Variants in VPS13B observed in about 807,000 individuals in gnomAD.
VPS13B encodes the protein intermembrane lipid transfer protein VPS13B.
In VPS13B, 285 loss-of-function variants were observed where a neutral mutation model predicts 426.4. The ratio of observed to expected loss-of-function variants is 0.67; its 90% CI spans 0.61 to 0.74. The LOEUF (loss-of-function observed/expected upper bound fraction) is 0.74, where lower values mean the gene tolerates loss of function less well. Ranked by LOEUF, VPS13B falls within the 30% of genes least tolerant of loss-of-function variation. VPS13B has a pLI of 0.00. For missense variants in VPS13B, 4,537 were observed against 4,782.6 expected (o/e 0.95, Z 1.51); for synonymous variants, 1,676 against 1,676.4 (o/e 1.00, Z 0.01).
At chr8:99,336,154 A>G (rs1810852565) in intron 19 of VPS13B, among the ~76,000 whole-genome samples, 1 of 152,174 alleles carries the variant, frequency 6.6e-6, no homozygotes, top group South Asian at 2.1e-4. Flanking sequence ...AGGTACTGGT[A>G]CCAAAACAGA....
intron 8 of VPS13B, among the ~76,000 whole-genome samples, chr8:99,129,154 T>C (rs1261755996): frequency 6.6e-6 from 1 of 152,132 alleles, no homozygotes; most frequent in Non-Finnish European, 1.5e-5. Context: ...ATATTAGCTG[T>C]ACTATTTTAA....
chr8:99,740,097 A>T (rs1809620513), intron 39 of VPS13B, among the ~76,000 whole-genome samples: 1 of 152,206 alleles, frequency 6.6e-6, no homozygotes, highest in Non-Finnish European at 1.5e-5. Context: ...CGAATGGCTA[A>T]CTAGAATAAC....
intron 19 of VPS13B, among the ~76,000 whole-genome samples, chr8:99,366,152 A>T (rs1423674534): frequency 1.3e-5 from 2 of 151,254 alleles, no homozygotes; most frequent in African/African-American, 4.9e-5. Flanking sequence ...TTCTTTGTTG[A>T]TTTTCTTTCT....
intron 35 of VPS13B, among the ~76,000 whole-genome samples, chr8:99,668,521 T>A (rs954728271): frequency 6.6e-6 from 1 of 152,174 alleles, no homozygotes; most frequent in Non-Finnish European, 1.5e-5. Context: ...GTGATACAAA[T>A]GCTGCTCTTT....
intron 3 of VPS13B, among the ~76,000 whole-genome samples, chr8:99,060,091 A>C (rs1306662882): frequency 2.0e-5 from 3 of 152,130 alleles, no homozygotes; most frequent in East Asian, 3.9e-4. Context: ...ACATTATTGA[A>C]AAAGAAGTAA....
chr8:99,557,206 G>A (rs1209669911), intron 31 of VPS13B, among the ~76,000 whole-genome samples: 1 of 151,746 alleles, frequency 6.6e-6, no homozygotes, highest in Non-Finnish European at 1.5e-5. Flanking sequence ...AAGTTATTTA[G>A]GGGTGATTTC....
At chr8:99,812,114 G>A (rs560830426) in intron 44 of VPS13B, among the ~76,000 whole-genome samples, 5 of 152,006 alleles carry the variant, frequency 3.3e-5, no homozygotes, top group African/African-American at 1.2e-4. Context: ...CATAAAAGTT[G>A]GTTATTTGAA....
chr8:99,744,580 A>T (rs1325819396), intron 39 of VPS13B, among the ~76,000 whole-genome samples: 2 of 152,208 alleles, frequency 1.3e-5, no homozygotes, highest in Non-Finnish European at 2.9e-5. Context: ...CAGATGTCCA[A>T]CAATGATAGA....
chr8:99,185,099 C>T (rs1314977983), intron 16 of VPS13B, among the ~76,000 whole-genome samples: 1 of 152,138 alleles, frequency 6.6e-6, no homozygotes, highest in African/African-American at 2.4e-5. Context: ...ATTAAAAAGA[C>T]CACTGTAGAA....
chr8:99,244,712 C>G (rs1236721750), intron 17 of VPS13B, among the ~76,000 whole-genome samples: 1 of 151,820 alleles, frequency 6.6e-6, no homozygotes, highest in Non-Finnish European at 1.5e-5. Context: ...ATCATTTTGT[C>G]CATAAATCTC....
At chr8:99,134,503 T>C in intron 8 of VPS13B, 129 bp from the exon 9 acceptor site, 1 of 724,564 alleles carries the variant, frequency 1.4e-6, no homozygotes, top group Admixed American at 2.9e-5. Context: ...TTGCACCTGC[T>C]TTCCTGCTTA....
intron 23 of VPS13B, among the ~76,000 whole-genome samples, chr8:99,464,877 T>C (rs1179761215): frequency 2.0e-5 from 3 of 152,180 alleles, no homozygotes; most frequent in Non-Finnish European, 4.4e-5. Flanking sequence ...GTTTTGTTTG[T>C]ATTCTTTTCT....
intron 24 of VPS13B, among the ~76,000 whole-genome samples, chr8:99,478,120 CT>C (rs921401052): frequency 1.6e-3 from 226 of 142,204 alleles, no homozygotes; most frequent in Middle Eastern, 7.5e-3. Flanking sequence ...CCCATAGAAT[CT>C]TTTTTTTTTT....
At chr8:99,213,355 C>T (rs753024572) in intron 17 of VPS13B, among the ~76,000 whole-genome samples, 4 of 151,974 alleles carry the variant, frequency 2.6e-5, no homozygotes, top group Non-Finnish European at 5.9e-5. Flanking sequence ...TCAAATATAA[C>T]ATTTTTTCCA....
intron 19 of VPS13B, among the ~76,000 whole-genome samples, chr8:99,331,190 A>G (rs1007521925): frequency 1.3e-5 from 2 of 151,910 alleles, no homozygotes; most frequent in Non-Finnish European, 2.9e-5. Flanking sequence ...TTAAATGAAC[A>G]GTGCTGGCAA....
At chr8:99,722,671 T>C (rs1038816815) in intron 39 of VPS13B, among the ~76,000 whole-genome samples, 1 of 152,062 alleles carries the variant, frequency 6.6e-6, no homozygotes, top group Non-Finnish European at 1.5e-5. Flanking sequence ...CATGCCCAGC[T>C]AATTTTTTTG....
chr8:99,464,726 G>A (rs1189585169), intron 23 of VPS13B, among the ~76,000 whole-genome samples: 1 of 151,858 alleles, frequency 6.6e-6, no homozygotes, highest in African/African-American at 2.4e-5. Flanking sequence ...CCACCCCTTG[G>A]CGTTGACACA....
chr8:99,477,103 G>C (rs1005042467), intron 24 of VPS13B, among the ~76,000 whole-genome samples: 2 of 152,034 alleles, frequency 1.3e-5, no homozygotes, highest in African/African-American at 4.8e-5. Flanking sequence ...CCCCATAACT[G>C]TAATGCAGTT....
chr8:99,105,708 T>C (rs529818646), intron 5 of VPS13B, among the ~76,000 whole-genome samples: 53 of 152,320 alleles, frequency 3.5e-4, no homozygotes, highest in Non-Finnish European at 5.6e-4. Flanking sequence ...AGAAGCAATT[T>C]AGTATGGTAT....
Sources: gnomAD v4.1 joint callset for allele counts (sites outside exome capture counted in the v4.1 genomes callset) on GRCh38, gnomAD v4.1.1 for gene constraint, MANE v1.5 for transcripts, NCBI Gene and HGNC (gene_info 2026-07-23, HGNC 2026-07-21) for gene names.